ABI3: variants seen among roughly 807,000 people sequenced by gnomAD.
ABI3 encodes the protein ABI family member 3.
A neutral mutation model predicts 37.0 loss-of-function variants in ABI3; 24 were observed. That is an observed-to-expected ratio of 0.65 (90% CI 0.47 to 0.91). The LOEUF (loss-of-function observed/expected upper bound fraction) is 0.91, where lower values mean the gene tolerates loss of function less well. Among genes scored for constraint, ABI3 ranks in the 40% least tolerant of loss-of-function variants. ABI3 has a pLI of 0.00. For missense variants in ABI3, 481 were observed against 485.1 expected (o/e 0.99, Z 0.08); for synonymous variants, 220 against 211.8 (o/e 1.04, Z -0.34).
At chr17:49,211,787 G>A (rs1284706854) in intron 1 of ABI3, among the ~76,000 whole-genome samples, 1 of 152,058 alleles carries the variant, frequency 6.6e-6, no homozygotes, top group Non-Finnish European at 1.5e-5. Flanking sequence ...TGGAATTACA[G>A]GCATGCACCA....
At position 49,221,738 on chromosome 17, in the gene ABI3, T is replaced by TG. The variant is rs2043291143; in HGVS notation, c.803-351dup. 2.6e-5 allele frequency among the ~76,000 whole-genome samples: 4 copies of TG among 152,126 alleles called. No homozygotes were observed. The South Asian group carries it at 8.3e-4, about 32-fold the overall frequency. The stretch of plus-strand genomic sequence containing the variant: ...GGTGCATTCTTTTTTTCTTTTGAGA[T>TG]GGAGTCTCACTCTGTCATCCAGGCT... On this transcript the variant is annotated intron_variant, in intron 6 of 7. Transcript: ENST00000225941.
In ABI3 at chr17:49,220,185, G is replaced by A. The variant is rs200867869; in HGVS notation, c.661G>A (p.Gly221Ser). 589 of 1,611,918 alleles carry A rather than the reference G, an allele frequency of 3.7e-4. 2 individuals carry two copies. Among genetic ancestry groups the A allele is most frequent in the Non-Finnish European group, 7.1e-5 (84 of 1,179,896 alleles). The change falls in exon 6 of 8, where the codon GGT becomes AGT. Residue 221 changes from glycine to serine, a missense_variant. Gly to Ser is a moderately conservative substitution (Grantham distance 56). Coordinates refer to ENST00000225941, the MANE Select transcript of ABI3 (RefSeq NM_016428.3). ...LASAGSAEGV[G>S]GAPTPKGQAA... Reference sequence around the variant, plus strand: ...GGTGTTCAGCAGCGCCGAAGGTGTCGGTGGGGCCCCCACGCCCAAGGGGCA... The same window carrying A: ...GGTGTTCAGCAGCGCCGAAGGTGTCAGTGGGGCCCCCACGCCCAAGGGGCA...
At chr17:49,216,299 G>GCATC (rs1415833813) in intron 1 of ABI3, among the ~76,000 whole-genome samples, 3 of 151,838 alleles carry the variant, frequency 2.0e-5, no homozygotes, top group Non-Finnish European at 2.9e-5. Context: ...CCCTCCCTTT[G>GCATC]CATCCATTCC....
rs759026836 is a variant in ABI3 at position 49,219,848 on chromosome 17, C to T, written c.549-10C>T. The stretch of plus-strand genomic sequence containing the variant: ...CTTCCTCCTAATACCCACTCCCTGC[C>T]CCCCGCCAGGAGACCACCCCGGATT... On this transcript the variant is annotated splice_polypyrimidine_tract_variant and intron_variant, in intron 4 of 7. Coordinates refer to ENST00000225941, the MANE Select transcript of ABI3 (RefSeq NM_016428.3). The surrounding 1 kb of genome is among the most constrained non-coding windows in gnomAD (Gnocchi z 4.3). 8 of 1,540,272 alleles carry T rather than the reference C, an allele frequency of 5.2e-6. No homozygotes were observed. The highest frequency in any genetic ancestry group is 6.1e-6 in the Non-Finnish European group (7 of 1,147,748).
At position 49,222,673 on chromosome 17, in the gene ABI3, G is replaced by A; in HGVS notation, c.1059G>A (p.Gly353=). 6.2e-7 allele frequency: 1 copy of A among 1,601,838 alleles called. No homozygotes were observed. The highest frequency in any genetic ancestry group is 1.1e-5 in the South Asian group (1 of 89,424). ...GGTGCGAGGGCGTCAGCTCAGAGGG[G>A]ACTGGATTCTTCCCTGGGAACTATG... ...DGWCEGVSSE[G]TGFFPGNYVE... The change falls in exon 8 of 8, where the codon GGG becomes GGA. Residue 353 remains glycine (G), a synonymous_variant. Transcript: ENST00000225941.
At chr17:49,221,807 C>T (rs190702808) in intron 6 of ABI3, among the ~76,000 whole-genome samples, 32 of 152,278 alleles carry the variant, frequency 2.1e-4, no homozygotes, top group African/African-American at 6.3e-4. Flanking sequence ...GCAACCTCCA[C>T]CTCCTGGGTT....
chr17:49,218,314 A>C (rs758789975), intron 3 of ABI3, among the ~76,000 whole-genome samples: 13 of 152,196 alleles, frequency 8.5e-5, no homozygotes, highest in Non-Finnish European at 1.5e-4. Context: ...CAGTCACCCC[A>C]GAGCTGCTGT....
chr17:49,218,366 G>A (rs1168988673), intron 3 of ABI3, among the ~76,000 whole-genome samples: 2 of 152,204 alleles, frequency 1.3e-5, no homozygotes, highest in Non-Finnish European at 2.9e-5. Flanking sequence ...AAGGGGACTT[G>A]GTGAAGGGAG....
rs916540381 is a variant in ABI3 at position 49,222,312 on chromosome 17, A to G, written c.937+87A>G. 5.9e-6 allele frequency: 9 copies of G among 1,519,238 alleles called. No individual in the cohort carries two copies. The East Asian group carries it at 1.8e-4, about 31-fold the overall frequency. The allele number at this position is 1,519,238 out of a possible 1,614,324, so 94.1% of individuals were successfully genotyped here. Reference sequence around the variant, plus strand: ...TTCTCCTCCCTCTGCAAAGGTGTGAATCTATCCCCCGGGCCCCCCACACAA... The same window carrying G: ...TTCTCCTCCCTCTGCAAAGGTGTGAGTCTATCCCCCGGGCCCCCCACACAA... On this transcript the variant is annotated intron_variant, in intron 7 of 7. Coordinates refer to ENST00000225941, the MANE Select transcript of ABI3 (RefSeq NM_016428.3).
At chr17:49,220,562 T>A (rs2143539423) in intron 6 of ABI3, among the ~76,000 whole-genome samples, 1 of 152,254 alleles carries the variant, frequency 6.6e-6, no homozygotes, top group East Asian at 1.9e-4. Flanking sequence ...AACTTAATCC[T>A]GGCCGGGCGC....
In ABI3 at chr17:49,219,804, C is replaced by T. The variant is rs1598244452; in HGVS notation, c.549-54C>T. Reference sequence around the variant, plus strand: ...CCTTCCTGCTCGCACCCGACCCCTGCTGGCCAGAAGCCTTCCTCCTTCCTC... The same window carrying T: ...CCTTCCTGCTCGCACCCGACCCCTGTTGGCCAGAAGCCTTCCTCCTTCCTC... On this transcript the variant is annotated intron_variant, in intron 4 of 7. Transcript: ENST00000225941. The surrounding 1 kb of genome is among the most constrained non-coding windows in gnomAD (Gnocchi z 4.3). 6.6e-7 allele frequency: 1 copy of T among 1,515,166 alleles called. No homozygotes were observed. Among genetic ancestry groups the T allele is most frequent in the South Asian group, 1.2e-5 (1 of 83,578 alleles). 93.9% of individuals were successfully genotyped at this position (1,515,166 alleles called of 1,614,324 possible).
chr17:49,215,237 T>C (rs2043207495), intron 1 of ABI3, among the ~76,000 whole-genome samples: 1 of 152,032 alleles, frequency 6.6e-6, no homozygotes, highest in African/African-American at 2.4e-5. Flanking sequence ...CAATGGCCAA[T>C]GTGGCTGAAG....
intron 1 of ABI3, among the ~76,000 whole-genome samples, chr17:49,214,828 G>A (rs1047210558): frequency 1.3e-5 from 2 of 152,252 alleles, no homozygotes; most frequent in African/African-American, 4.8e-5. Context: ...CAGTGGGAAT[G>A]TGCCCAGAGA....
intron 2 of ABI3, among the ~76,000 whole-genome samples, chr17:49,217,273 C>G (rs1184732898): frequency 6.6e-6 from 1 of 152,192 alleles, no homozygotes; most frequent in African/African-American, 2.4e-5. Flanking sequence ...CCTCCCCCGC[C>G]GCAGACCAGA....
rs2043307398 is a variant in ABI3, at chr17:49,222,769, C to T, written c.*54C>T. Reference sequence around the variant, plus strand: ...TCTGCACTGAGTGGGTTTCATGAGCCCCAAGCCAAAACCAGCTCCAGTCAC... The same window carrying T: ...TCTGCACTGAGTGGGTTTCATGAGCTCCAAGCCAAAACCAGCTCCAGTCAC... On this transcript the variant is annotated 3_prime_UTR_variant, in exon 8 of 8. Transcript: ENST00000225941. 6.6e-7 allele frequency: 1 copy of T among 1,514,066 alleles called. No individual in the cohort carries two copies. Among genetic ancestry groups the T allele is most frequent in the South Asian group, 1.2e-5 (1 of 82,420 alleles). The allele number at this position is 1,514,066 out of a possible 1,614,324, so 93.8% of individuals were successfully genotyped here.
chr17:49,210,856 C>T lies in ABI3; in HGVS notation c.117+15C>T, dbSNP rs768091310. 22 of 1,539,356 alleles carry T rather than the reference C, an allele frequency of 1.4e-5. No homozygotes were observed. The Admixed American group carries it at 2.0e-4, about 14-fold the overall frequency. ...ACTATGTGCAGGTAGGTAGAGCGGG[C>T]GGAAGCCTGACACCCCAGCCCCCGG... On this transcript the variant is annotated intron_variant, in intron 1 of 7. Coordinates refer to ENST00000225941, the MANE Select transcript of ABI3 (RefSeq NM_016428.3). This position sits in a 1 kb window ranked among gnomAD's most constrained non-coding sequence, Gnocchi z 4.2.
intron 1 of ABI3, among the ~76,000 whole-genome samples, chr17:49,214,988 G>A (rs1297645141): frequency 3.3e-5 from 5 of 152,218 alleles, no homozygotes; most frequent in Admixed American, 3.3e-4. Context: ...AGGCAAGGGG[G>A]CGTAGATAAC....
chr17:49,211,060 C>T lies in ABI3; in HGVS notation c.117+219C>T, dbSNP rs191711457. On this transcript the variant is annotated intron_variant, in intron 1 of 7. Transcript: ENST00000225941. ...ACTGTGCCCCTTCTGTCTCTCAGAGCCTCAGAGATGCCTGGGACAGACAGT... is the reference window on the plus strand; with the variant it reads ...ACTGTGCCCCTTCTGTCTCTCAGAGTCTCAGAGATGCCTGGGACAGACAGT... 1.5e-3 allele frequency among the ~76,000 whole-genome samples: 232 copies of T among 152,300 alleles called. 2 individuals carry two copies. The highest frequency in any genetic ancestry group is 6.2e-3 in the Admixed American group (95 of 15,300).
At chr17:49,212,588 G>GT (rs1422739892) in intron 1 of ABI3, among the ~76,000 whole-genome samples, 1 of 152,192 alleles carries the variant, frequency 6.6e-6, no homozygotes, top group Non-Finnish European at 1.5e-5. Context: ...GGCCAGGCAT[G>GT]TTACCAGCAT....
Sources: allele counts gnomAD v4.1 joint callset (sites outside exome capture counted in the v4.1 genomes callset), GRCh38; gene constraint gnomAD v4.1.1; non-coding constraint Gnocchi (gnomAD v3.1); transcripts MANE v1.5; gene names NCBI Gene and HGNC (gene_info 2026-07-23, HGNC 2026-07-21).